MAP2K6: variants seen among roughly 807,000 people sequenced by gnomAD.
MAP2K6 encodes dual specificity mitogen-activated protein kinase kinase 6.
Under a neutral mutation model 53.7 loss-of-function variants are expected in MAP2K6, and 16 were observed. That is an observed-to-expected ratio of 0.30 (90% CI 0.20 to 0.45). The LOEUF (loss-of-function observed/expected upper bound fraction) is 0.45. Among genes scored for constraint, MAP2K6 ranks in the 20% least tolerant of loss-of-function variants. MAP2K6 has a pLI of 1.00. For synonymous variants in MAP2K6, 132 were observed against 143.1 expected, an observed-to-expected ratio of 0.92 and a Z score of 0.55; for missense variants, 204 against 411.9, an observed-to-expected ratio of 0.50 and a Z score of 4.37.
At chr17:69,512,172 T>G (rs775090162) in intron 2 of MAP2K6, among the ~76,000 whole-genome samples, 8 of 151,766 alleles carry the variant, frequency 5.3e-5, no homozygotes, top group Admixed American at 2.6e-4. Flanking sequence ...TCTCTGACTC[T>G]CAATTATGTA....
intron 5 of MAP2K6, 123 bp downstream of exon 5, chr17:69,519,555 G>T (rs1598305784): frequency 2.6e-6 from 3 of 1,151,138 alleles, no homozygotes; most frequent in East Asian, 4.9e-5. Context: ...GTATACGGGG[G>T]TTTACGTGTG....
rs186829726 is a variant in MAP2K6, at chr17:69,489,746, C to G, written c.17-16034C>G. ...TTAGCGTTCTCTTTTTAGAAAATCTCAGATTTAAATTTTTTGATTTTCTTG... is the reference window on the plus strand; with the variant it reads ...TTAGCGTTCTCTTTTTAGAAAATCTGAGATTTAAATTTTTTGATTTTCTTG... On this transcript the variant is annotated intron_variant, in intron 1 of 11. Coordinates refer to ENST00000590474, the MANE Select transcript of MAP2K6 (RefSeq NM_002758.4). Among the ~76,000 whole-genome samples, 749 of 152,252 alleles carry G rather than the reference C, an allele frequency of 4.9e-3. 7 individuals carry two copies. Among genetic ancestry groups the G allele is most frequent in the African/African-American group, 0.018 (733 of 41,540 alleles).
At chr17:69,482,782 A>C (rs745549842) in intron 1 of MAP2K6, among the ~76,000 whole-genome samples, 3 of 152,068 alleles carry the variant, frequency 2.0e-5, no homozygotes, top group Non-Finnish European at 4.4e-5. Flanking sequence ...ATATCTTTAT[A>C]TCTTTAGTAT....
chr17:69,505,700 C>CT (rs1909431499), intron 1 of MAP2K6, 80 bp from the exon 2 acceptor site: 8 of 1,149,428 alleles, frequency 7.0e-6, no homozygotes, highest in Non-Finnish European at 1.1e-5. Context: ...CAGGTCAGCT[C>CT]TTTCCTTTGC....
At chr17:69,456,098 A>G (rs1907402192) in intron 1 of MAP2K6, among the ~76,000 whole-genome samples, 1 of 152,070 alleles carries the variant, frequency 6.6e-6, no homozygotes, top group African/African-American at 2.4e-5. Context: ...TGACCTCAGT[A>G]GATCCGCCCG....
chr17:69,458,747 G>C (rs910476959), intron 1 of MAP2K6, among the ~76,000 whole-genome samples: 1 of 152,136 alleles, frequency 6.6e-6, no homozygotes, highest in Non-Finnish European at 1.5e-5. Flanking sequence ...GTTTTTGTTA[G>C]CATCTGTGGC....
At chr17:69,465,633 T>TC (rs1267598150) in intron 1 of MAP2K6, among the ~76,000 whole-genome samples, 1 of 151,344 alleles carries the variant, frequency 6.6e-6, no homozygotes, top group African/African-American at 2.4e-5. Flanking sequence ...CTTTTTTTTT[T>TC]TTTGAAACAA....
intron 11 of MAP2K6, among the ~76,000 whole-genome samples, chr17:69,541,279 A>G (rs1341678795): frequency 6.6e-6 from 1 of 152,168 alleles, no homozygotes; most frequent in Non-Finnish European, 1.5e-5. Flanking sequence ...AAAAAAGTAC[A>G]TACACCTATG....
chr17:69,480,591 C>T (rs1908316537), intron 1 of MAP2K6, among the ~76,000 whole-genome samples: 3 of 152,134 alleles, frequency 2.0e-5, no homozygotes, highest in Non-Finnish European at 4.4e-5. Flanking sequence ...TTTCATTCTT[C>T]CTCTTTTTGG....
At chr17:69,514,592 G>A (rs1037508197) in intron 2 of MAP2K6, among the ~76,000 whole-genome samples, 13 of 151,682 alleles carry the variant, frequency 8.6e-5, no homozygotes, top group African/African-American at 1.2e-4. Context: ...ACTGAGTCTC[G>A]CTCTTGTCAC....
intron 1 of MAP2K6, among the ~76,000 whole-genome samples, chr17:69,499,402 A>G (rs1909069757): frequency 1.3e-5 from 2 of 152,202 alleles, no homozygotes; most frequent in African/African-American, 4.8e-5. Flanking sequence ...TCTCTTAATG[A>G]CCTGCGGAGA....
At chr17:69,446,053 GA>G (rs1906955471) in intron 1 of MAP2K6, among the ~76,000 whole-genome samples, 1 of 152,168 alleles carries the variant, frequency 6.6e-6, no homozygotes, top group South Asian at 2.1e-4. Flanking sequence ...TTTTAAGCAA[GA>G]AAAGAAGTGC....
Position 69,463,603 on chromosome 17 carries a change from CCT to C in MAP2K6, c.17-42164_17-42163del, listed in dbSNP as rs889559477. ...TCTCAGCCCCCAGAGTAGCTAGCTC[CCT>C]CTCTCTCTCTCTATATATATACACA... On this transcript the variant is annotated intron_variant, in intron 1 of 11. Transcript: ENST00000590474. Among the ~76,000 whole-genome samples the C allele has an allele frequency of 3.0e-4, 44 of 147,252 alleles. 1 individual carries two copies. Among genetic ancestry groups the C allele is most frequent in the Middle Eastern group, 3.6e-3 (1 of 280 alleles).
At chr17:69,483,893 AT>A (rs1260034545) in intron 1 of MAP2K6, among the ~76,000 whole-genome samples, 1 of 152,092 alleles carries the variant, frequency 6.6e-6, no homozygotes, top group East Asian at 1.9e-4. Context: ...GGATATACAT[AT>A]GTAAAAGAAT....
intron 1 of MAP2K6, among the ~76,000 whole-genome samples, chr17:69,489,077 A>T (rs369467198): frequency 4.6e-5 from 7 of 151,920 alleles, no homozygotes; most frequent in South Asian, 2.1e-4. Context: ...AAAATTAGCC[A>T]GGTATGGTGG....
At chr17:69,536,909 C>T (rs1009278008) in intron 11 of MAP2K6, among the ~76,000 whole-genome samples, 1 of 150,956 alleles carries the variant, frequency 6.6e-6, no homozygotes, top group Non-Finnish European at 1.5e-5. Context: ...GACGAAACCC[C>T]ACCTCTACAA....
intron 1 of MAP2K6, chr17:69,505,413 A>C (rs1909411863): frequency 5.0e-6 from 1 of 201,686 alleles, no homozygotes; most frequent in Non-Finnish European, 9.8e-6. Context: ...ACTGTACTCC[A>C]GCCTGGGTGA....
At position 69,516,955 on chromosome 17, in the gene MAP2K6, G is replaced by C. The variant is rs777024557; in HGVS notation, c.132+52G>C. 6 of 1,361,010 alleles carry C rather than the reference G, an allele frequency of 4.4e-6. No individual in the cohort carries two copies. The African/African-American group carries it at 8.7e-5, about 20-fold the overall frequency. 84.3% of individuals were successfully genotyped at this position (1,361,010 alleles called of 1,614,324 possible). A position where few individuals can be genotyped will look rare whatever the true frequency, so the allele number is the denominator to read the frequency against. Reference sequence around the variant, plus strand: ...AATACGTTGGCCATTTTATATGTATGCTTTCTGACTGAAAAATTTATTTTC... The same window carrying C: ...AATACGTTGGCCATTTTATATGTATCCTTTCTGACTGAAAAATTTATTTTC... On this transcript the variant is annotated intron_variant, in intron 3 of 11. Coordinates refer to ENST00000590474, the MANE Select transcript of MAP2K6 (RefSeq NM_002758.4).
intron 1 of MAP2K6, among the ~76,000 whole-genome samples, chr17:69,464,265 CAG>C (rs1408642764): frequency 1.3e-5 from 2 of 151,702 alleles, no homozygotes; most frequent in African/African-American, 4.8e-5. Flanking sequence ...CAAATGGAGA[CAG>C]TAATAGTTGA....
Sources: gnomAD v4.1 joint callset for allele counts (sites outside exome capture counted in the v4.1 genomes callset) on GRCh38, gnomAD v4.1.1 for gene constraint, MANE v1.5 for transcripts, NCBI Gene and HGNC (gene_info 2026-07-23, HGNC 2026-07-21) for gene names.